NAV3: variants seen among roughly 807,000 people sequenced by gnomAD.
NAV3 encodes neuron navigator 3.
NAV3 carries 87 observed loss-of-function variants against 244.7 expected under a neutral mutation model. The ratio of observed to expected loss-of-function variants is 0.36; its 90% CI spans 0.30 to 0.42. The LOEUF (loss-of-function observed/expected upper bound fraction) is 0.42, where lower values mean the gene tolerates loss of function less well. Ranked by LOEUF, NAV3 falls within the 20% of genes least tolerant of loss-of-function variation. NAV3 has a pLI of 1.00. For missense variants in NAV3, 2,663 were observed against 2,893.3 expected, an observed-to-expected ratio of 0.92 and a Z score of 1.83; for synonymous variants, 1,126 against 1,042.2, an observed-to-expected ratio of 1.08 and a Z score of -1.55.
intron 2 of NAV3, among the ~76,000 whole-genome samples, chr12:77,654,431 T>C (rs1872982727): frequency 6.6e-6 from 1 of 152,082 alleles, no homozygotes; most frequent in Non-Finnish European, 1.5e-5. Flanking sequence ...CAGGCTCTCT[T>C]AGGTAAACAA....
chr12:77,683,655 T>C (rs909940468), intron 2 of NAV3, among the ~76,000 whole-genome samples: 1 of 152,268 alleles, frequency 6.6e-6, no homozygotes, highest in South Asian at 2.1e-4. Context: ...ATATTTTTAA[T>C]TATTATTTGT....
chr12:77,866,678 T>C lies in NAV3; in HGVS notation c.243+34974T>C, dbSNP rs936441402. Among the ~76,000 whole-genome samples, 16 of 152,360 alleles carry C rather than the reference T, an allele frequency of 1.1e-4. 1 individual carries two copies. The Middle Eastern group carries it at 0.01, about 97-fold the overall frequency. ...TTTGATTAGGATTTAAAACCTCATA[T>C]GTTTGAAGCATGAATGAATGGTATA... On this transcript the variant is annotated intron_variant, in intron 1 of 39. Coordinates refer to ENST00000397909, the MANE Select transcript of NAV3 (RefSeq NM_001024383.2).
chr12:78,044,862 A>G (rs1881496648), intron 9 of NAV3, among the ~76,000 whole-genome samples: 1 of 152,226 alleles, frequency 6.6e-6, no homozygotes, highest in Non-Finnish European at 1.5e-5. Context: ...ATATAAAATC[A>G]TGTCATCTGC....
chr12:77,836,437 AC>A (rs1367186791), intron 1 of NAV3, among the ~76,000 whole-genome samples: 4 of 152,114 alleles, frequency 2.6e-5, no homozygotes, highest in African/African-American at 9.7e-5. Flanking sequence ...ATTCTGTTTT[AC>A]ATTATTATGG....
chr12:77,959,403 T>C (rs1181103048), intron 3 of NAV3, among the ~76,000 whole-genome samples: 4 of 152,058 alleles, frequency 2.6e-5, no homozygotes. Flanking sequence ...ATACCAAAAG[T>C]GAAAGGGGCT....
chr12:78,071,049 G>A lies in NAV3; in HGVS notation c.2636+11934G>A, dbSNP rs1288028705. On this transcript the variant is annotated intron_variant, in intron 12 of 39. Coordinates refer to ENST00000397909, the MANE Select transcript of NAV3 (RefSeq NM_001024383.2). The stretch of plus-strand genomic sequence containing the variant: ...TGTCTTTATAGCAGCATGATTTATA[G>A]TCCTTTGGGTATATACCCAGTAATG... Among the ~76,000 whole-genome samples the A allele has an allele frequency of 1.2e-4, 18 of 151,398 alleles. No individual in the cohort carries two copies. The East Asian group carries it at 3.5e-3, about 30-fold the overall frequency.
At chr12:77,912,059 A>G (rs1886650625) in intron 1 of NAV3, among the ~76,000 whole-genome samples, 1 of 152,148 alleles carries the variant, frequency 6.6e-6, no homozygotes, top group Non-Finnish European at 1.5e-5. Context: ...TATGGCAAGC[A>G]TTCCTTGAGG....
intron 9 of NAV3, among the ~76,000 whole-genome samples, chr12:78,024,000 T>C (rs1340721411): frequency 6.6e-6 from 1 of 152,134 alleles, no homozygotes; most frequent in Non-Finnish European, 1.5e-5. Flanking sequence ...ATGACCTCAC[T>C]TTCATGCACT....
intron 1 of NAV3, among the ~76,000 whole-genome samples, chr12:77,857,926 T>A (rs1022814854): frequency 3.3e-5 from 5 of 152,208 alleles, no homozygotes; most frequent in Non-Finnish European, 7.4e-5. Context: ...GTTACTGGTA[T>A]GTTTGTAAGG....
At chr12:77,930,952 A>G (rs1888721792) in intron 1 of NAV3, among the ~76,000 whole-genome samples, 1 of 152,102 alleles carries the variant, frequency 6.6e-6, no homozygotes, top group Admixed American at 6.5e-5. Context: ...TTGAACTTTT[A>G]AAATTTGTTT....
chr12:77,666,944 A>C (rs1391931847), intron 2 of NAV3, among the ~76,000 whole-genome samples: 1 of 152,214 alleles, frequency 6.6e-6, no homozygotes, highest in East Asian at 1.9e-4. Context: ...CTATCTTATA[A>C]ATGAGACATT....
At chr12:77,580,636 A>G (rs2136675249) in intron 2 of NAV3, among the ~76,000 whole-genome samples, 1 of 152,336 alleles carries the variant, frequency 6.6e-6, no homozygotes, top group Admixed American at 6.5e-5. Flanking sequence ...GGTACATTTT[A>G]ATAGTGTTTA....
chr12:77,941,233 G>C (rs1889840463), intron 3 of NAV3, 100 bp downstream of exon 3: 1 of 777,612 alleles, frequency 1.3e-6, no homozygotes, highest in African/African-American at 1.8e-5. Flanking sequence ...ATGTCTTCCT[G>C]CTTAAGAAAC....
rs73133950 is a variant in NAV3 at position 77,575,393 on chromosome 12, T to A, written c.72+3127T>A. Among the ~76,000 whole-genome samples, 1,365 of 152,222 alleles carry A rather than the reference T, an allele frequency of 9.0e-3. 15 individuals are homozygous for A. Among genetic ancestry groups the A allele is most frequent in the African/African-American group, 0.024 (993 of 41,548 alleles). On this transcript the variant is annotated intron_variant, in intron 2 of 8. Coordinates refer to the NAV3 transcript ENST00000550042. Reference sequence around the variant, plus strand: ...GGCTTTTTTTGAGTCTTGTGATTTATTTTTTCAGTAGAACTTTCAGCTGGT... The same window carrying A: ...GGCTTTTTTTGAGTCTTGTGATTTAATTTTTCAGTAGAACTTTCAGCTGGT...
intron 1 of NAV3, among the ~76,000 whole-genome samples, chr12:77,912,957 G>A (rs1886761408): frequency 6.6e-6 from 1 of 151,950 alleles, no homozygotes; most frequent in Non-Finnish European, 1.5e-5. Flanking sequence ...ACATTTAAGT[G>A]TTTTCATAAT....
chr12:78,202,870 G>A (rs1029223196), intron 38 of NAV3, among the ~76,000 whole-genome samples: 10 of 152,058 alleles, frequency 6.6e-5, no homozygotes, highest in African/African-American at 1.4e-4. Context: ...TATATCTGTC[G>A]TGATCCATTC....
In NAV3 at chr12:77,647,065, T is replaced by TACAC. The variant is rs113864567; in HGVS notation, c.72+74800_72+74801insCACA. On this transcript the variant is annotated intron_variant, in intron 2 of 8. Transcript: ENST00000550042. Reference sequence around the variant, plus strand: ...CATGGTGTATGTGTGAACATATATATATACACACACACACACACACACGTA... The same window carrying TACAC: ...CATGGTGTATGTGTGAACATATATATACACATACACACACACACACACACACGTA... Among the ~76,000 whole-genome samples, 272 of 130,496 alleles carry TACAC rather than the reference T, an allele frequency of 2.1e-3. 1 individual carries two copies. Among genetic ancestry groups the TACAC allele is most frequent in the African/African-American group, 8.0e-3 (243 of 30,260 alleles). The allele number at this position is 130,496 out of a possible 152,430, so 85.6% of individuals were successfully genotyped here.
intron 22 of NAV3, among the ~76,000 whole-genome samples, chr12:78,157,427 G>A (rs1447903421): frequency 6.6e-6 from 1 of 151,120 alleles, no homozygotes; most frequent in Non-Finnish European, 1.5e-5. Flanking sequence ...TGGGCATGTT[G>A]GTACATGCCT....
At chr12:78,159,033 T>A (rs867159974) in intron 22 of NAV3, among the ~76,000 whole-genome samples, 170 bp from the exon 23 acceptor site, 3 of 152,144 alleles carry the variant, frequency 2.0e-5, no homozygotes, top group Non-Finnish European at 4.4e-5. Flanking sequence ...TTAGAAAAGA[T>A]GAATGAAAAT....
Sources: gnomAD v4.1 joint callset for allele counts (sites outside exome capture counted in the v4.1 genomes callset) on GRCh38, gnomAD v4.1.1 for gene constraint, MANE v1.5 for transcripts, NCBI Gene and HGNC (gene_info 2026-07-23, HGNC 2026-07-21) for gene names.